DDAH1: variants seen among roughly 807,000 people sequenced by gnomAD.
DDAH1 encodes the protein dimethylarginine dimethylaminohydrolase 1, also known as N(G),N(G)-dimethylarginine dimethylaminohydrolase 1.
In DDAH1, 19 loss-of-function variants were observed where a neutral mutation model predicts 28.8. That is an observed-to-expected ratio of 0.66 (90% confidence interval 0.46 to 0.97). The LOEUF (loss-of-function observed/expected upper bound fraction) is 0.97, where lower values mean the gene tolerates loss of function less well. Ranked by LOEUF, DDAH1 falls within the 50% of genes least tolerant of loss-of-function variation. The probability of loss-of-function intolerance (pLI) is 0.00; values close to 1 mark genes in which losing one functional copy is unlikely to be tolerated. For missense variants in DDAH1, 326 were observed against 375.9 expected (o/e 0.87, Z 1.10); for synonymous variants, 153 against 154.4 (o/e 0.99, Z 0.07).
intron 1 of DDAH1, among the ~76,000 whole-genome samples, chr1:85,564,911 T>C (rs930741648): frequency 6.8e-6 from 1 of 146,504 alleles, no homozygotes; most frequent in African/African-American, 2.5e-5. Flanking sequence ...AAAAGATACA[T>C]CGTGGCCAGG....
chr1:85,431,888 A>T (rs1224473846), intron 1 of DDAH1, among the ~76,000 whole-genome samples: 1 of 152,226 alleles, frequency 6.6e-6, no homozygotes, highest in Non-Finnish European at 1.5e-5. Flanking sequence ...AAATTAATAC[A>T]AGAGGCAGGA....
chr1:85,548,285 T>A lies in DDAH1; in HGVS notation c.-123+29699A>T, dbSNP rs181671249. 1.4e-4 allele frequency among the ~76,000 whole-genome samples: 22 copies of A among 152,190 alleles called. No homozygotes were observed. The South Asian group carries it at 2.7e-3, about 19-fold the overall frequency. On this transcript the variant is annotated intron_variant, in intron 1 of 6. Transcript: ENST00000426972. ...TTAACTCTCATTAGCACCCAGGAGG[T>A]AGGTATAATTGTCATCCACATTTCA...
intron 2 of DDAH1, among the ~76,000 whole-genome samples, chr1:85,483,745 C>T (rs187086677): frequency 1.1e-4 from 16 of 152,214 alleles, no homozygotes; most frequent in African/African-American, 2.4e-4. Context: ...CCACGGATCG[C>T]GGACCTGTAT....
chr1:85,515,986 T>C (rs1183456935), intron 1 of DDAH1, among the ~76,000 whole-genome samples: 1 of 152,216 alleles, frequency 6.6e-6, no homozygotes, highest in Non-Finnish European at 1.5e-5. Context: ...TGTGGATGTC[T>C]ACCTTAGTGC....
At chr1:85,560,310 T>C (rs1178873487) in intron 1 of DDAH1, among the ~76,000 whole-genome samples, 3 of 152,030 alleles carry the variant, frequency 2.0e-5, no homozygotes, top group African/African-American at 7.2e-5. Context: ...ACCTGAACTA[T>C]AAGAAATGTT....
intron 1 of DDAH1, among the ~76,000 whole-genome samples, chr1:85,571,641 A>G (rs920588136): frequency 8.7e-4 from 133 of 152,308 alleles, no homozygotes; most frequent in African/African-American, 3.1e-3. Context: ...ATTAGAATGA[A>G]CTGAATCATC....
chr1:85,449,229 G>A (rs1301833112), intron 1 of DDAH1, among the ~76,000 whole-genome samples: 1 of 152,212 alleles, frequency 6.6e-6, no homozygotes, highest in African/African-American at 2.4e-5. Flanking sequence ...GCATAAGGCA[G>A]GTTGGTGTCT....
intron 1 of DDAH1, among the ~76,000 whole-genome samples, chr1:85,548,001 C>A (rs1329914091): frequency 1.3e-5 from 2 of 152,170 alleles, no homozygotes; most frequent in Admixed American, 6.5e-5. Flanking sequence ...AGTCTGTAAA[C>A]CCCAAATATA....
chr1:85,389,459 A>G (rs1651436271), intron 1 of DDAH1, among the ~76,000 whole-genome samples: 1 of 152,192 alleles, frequency 6.6e-6, no homozygotes, highest in Admixed American at 6.5e-5. Context: ...TGCTACTTCC[A>G]GCACTGCTGA....
At chr1:85,526,784 C>T (rs1350184830) in intron 1 of DDAH1, among the ~76,000 whole-genome samples, 2 of 147,384 alleles carry the variant, frequency 1.4e-5, no homozygotes, top group African/African-American at 2.5e-5. Context: ...TCTTGAAAAC[C>T]TCTGGCCCTG....
intron 1 of DDAH1, among the ~76,000 whole-genome samples, chr1:85,503,518 C>CATCTATCTATCTATCTATCT (rs61426289): frequency 5.6e-5 from 8 of 144,114 alleles, no homozygotes; most frequent in East Asian, 4.1e-4. Flanking sequence ...CTTTAAAGTT[C>CATCTATCTATCTATCTATCT]ATCTATCTAT....
intron 1 of DDAH1, among the ~76,000 whole-genome samples, chr1:85,382,804 A>G (rs1193041028): frequency 6.6e-6 from 1 of 152,200 alleles, no homozygotes; most frequent in Non-Finnish European, 1.5e-5. Context: ...GAATAATGCT[A>G]AATTGACTCT....
At chr1:85,488,314 G>T (rs1048330382) in intron 2 of DDAH1, 14 of 152,256 alleles carry the variant, frequency 9.2e-5, no homozygotes, top group African/African-American at 3.4e-4. Context: ...GAAAGTCCAA[G>T]ATCAGGGCAC....
At position 85,565,819 on chromosome 1, in the gene DDAH1, G is replaced by A. The variant is rs370707935; in HGVS notation, c.-123+12165C>T. On this transcript the variant is annotated intron_variant, in intron 1 of 6. Transcript: ENST00000426972. ...ATATTGGCTGGGTGAGGTGGCTCAC[G>A]CCTGTAATCCCAGCACTTTGGGAGG... Among the ~76,000 whole-genome samples the A allele has an allele frequency of 5.3e-5, 8 of 152,266 alleles. No individual in the cohort carries two copies. In the East Asian group the frequency reaches 9.7e-4, roughly 18 times the overall value.
chr1:85,416,640 G>A (rs1570512354), intron 1 of DDAH1, among the ~76,000 whole-genome samples: 1 of 152,146 alleles, frequency 6.6e-6, no homozygotes, highest in South Asian at 2.1e-4. Flanking sequence ...ACCTGGAGTG[G>A]ATCAGACAAC....
intron 1 of DDAH1, among the ~76,000 whole-genome samples, chr1:85,454,469 A>G (rs1287229834): frequency 6.6e-6 from 1 of 152,202 alleles, no homozygotes; most frequent in Non-Finnish European, 1.5e-5. Flanking sequence ...CCAGGACCCA[A>G]CTGGCCAACA....
At chr1:85,547,882 T>A (rs1481058309) in intron 1 of DDAH1, among the ~76,000 whole-genome samples, 1 of 152,178 alleles carries the variant, frequency 6.6e-6, no homozygotes, top group Non-Finnish European at 1.5e-5. Flanking sequence ...AACACAGGAA[T>A]AACAGAACAA....
intron 1 of DDAH1, among the ~76,000 whole-genome samples, chr1:85,504,469 T>C (rs1252459614): frequency 6.6e-6 from 1 of 152,180 alleles, no homozygotes; most frequent in African/African-American, 2.4e-5. Flanking sequence ...TGGGTCACCA[T>C]AGTGCTATAG....
chr1:85,408,292 CCT>C (rs1491202791), intron 1 of DDAH1, among the ~76,000 whole-genome samples: 3 of 87,372 alleles, frequency 3.4e-5, no homozygotes, highest in Non-Finnish European at 7.1e-5. Context: ...TCTCCTTCTT[CCT>C]TTTTTTTTTT....
Sources: allele counts gnomAD v4.1 joint callset (sites outside exome capture counted in the v4.1 genomes callset), GRCh38; gene constraint gnomAD v4.1.1; transcripts MANE v1.5; gene names NCBI Gene and HGNC (gene_info 2026-07-23, HGNC 2026-07-21).